The following COL19A1 variants were observed in gnomAD, a reference collection of about 807,000 sequenced individuals.
COL19A1 encodes the protein collagen type XIX alpha 1 chain, also known as collagen alpha-1(XIX) chain.
Under a neutral mutation model 190.2 loss-of-function variants are expected in COL19A1, and 159 were observed. The observed-to-expected ratio is 0.84, with a 90% CI of 0.73 to 0.95. COL19A1 has a LOEUF of 0.95. COL19A1 is among the 40% of genes least tolerant of loss of function. COL19A1 has a pLI of 0.00. For missense variants in COL19A1, 1,418 were observed against 1,431.9 expected, an observed-to-expected ratio of 0.99 and a Z score of 0.16; for synonymous variants, 509 against 458.9, an observed-to-expected ratio of 1.11 and a Z score of -1.39.
chr6:70,199,604 G>A lies in COL19A1; in HGVS notation c.3095-4G>A. The stretch of plus-strand genomic sequence containing the variant: ...ATATATTATTTTTTCTTCTATACAT[G>A]AAGAGAGGATGGCTGTATTCCTATC... On this transcript the variant is annotated splice_region_variant and splice_polypyrimidine_tract_variant and intron_variant, in intron 48 of 50. Coordinates refer to ENST00000620364, the MANE Select transcript of COL19A1 (RefSeq NM_001858.6). 1 of 1,556,326 alleles carries A rather than the reference G, an allele frequency of 6.4e-7. No individual in the cohort carries two copies. Among genetic ancestry groups the A allele is most frequent in the Admixed American group, 1.8e-5 (1 of 54,066 alleles).
chr6:70,047,040 T>G (rs1356040907), intron 14 of COL19A1, among the ~76,000 whole-genome samples: 1 of 152,120 alleles, frequency 6.6e-6, no homozygotes, highest in Admixed American at 6.5e-5. Flanking sequence ...CTACCACATC[T>G]GGAATGGCCA....
At chr6:69,985,428 G>T (rs1036515730) in intron 11 of COL19A1, among the ~76,000 whole-genome samples, 1 of 152,064 alleles carries the variant, frequency 6.6e-6, no homozygotes, top group African/African-American at 2.4e-5. Context: ...TAGCAAAGGG[G>T]GTGAAGGATG....
Position 70,034,155 on chromosome 6 carries a change from T to C in COL19A1, c.1081-90T>C, listed in dbSNP as rs1310971438. 31 of 880,770 alleles carry C rather than the reference T, an allele frequency of 3.5e-5. No homozygotes were observed. In the Admixed American group the frequency reaches 5.7e-4, roughly 16 times the overall value. The allele number at this position is 880,770 out of a possible 1,614,324, so 54.6% of individuals were successfully genotyped here. On this transcript the variant is annotated intron_variant, in intron 12 of 50. Coordinates refer to ENST00000620364, the MANE Select transcript of COL19A1 (RefSeq NM_001858.6). Reference sequence around the variant, plus strand: ...CAAAAGGAAGAATGAGATTTGGAGGTTCAGTAAATTATGATTTATTTTGTT... The same window carrying C: ...CAAAAGGAAGAATGAGATTTGGAGGCTCAGTAAATTATGATTTATTTTGTT...
At position 70,173,348 on chromosome 6, in the gene COL19A1, A is replaced by G. The variant is rs191460027; in HGVS notation, c.2622+1331A>G. On this transcript the variant is annotated intron_variant, in intron 41 of 50. Transcript: ENST00000620364. ...AAGATTACCAAGGGAATGCCAATAG[A>G]GTTTTTAGAAACAGAAGAGTCAAGG... Among the ~76,000 whole-genome samples the G allele has an allele frequency of 1.9e-3, 289 of 152,304 alleles. 2 individuals are homozygous for G. Among genetic ancestry groups the G allele is most frequent in the African/African-American group, 6.8e-3 (282 of 41,538 alleles).
chr6:70,048,483 C>T (rs58086655), intron 14 of COL19A1, among the ~76,000 whole-genome samples: 6,509 of 152,022 alleles, frequency 0.043, 454 homozygotes, highest in African/African-American at 0.15. Flanking sequence ...CAATCATTGT[C>T]GTTGCCTTCA....
chr6:69,962,089 A>G (rs902256539), intron 10 of COL19A1, among the ~76,000 whole-genome samples: 3 of 152,118 alleles, frequency 2.0e-5, no homozygotes, highest in Non-Finnish European at 4.4e-5. Context: ...CTTGCTAGCT[A>G]TGTTGTCATG....
chr6:70,076,793 CTTAAAG>C (rs1297352247), intron 15 of COL19A1, among the ~76,000 whole-genome samples: 4 of 152,168 alleles, frequency 2.6e-5, no homozygotes, highest in Non-Finnish European at 4.4e-5. Flanking sequence ...CACAGAAACA[CTTAAAG>C]AGAATGGAAA....
At position 70,144,634 on chromosome 6, in the gene COL19A1, G is replaced by A. The variant is rs144837248; in HGVS notation, c.1681-284G>A. ...ATAACTTAAAGAAAACATAAAGATC[G>A]TCTATAGAAATTTATTAATAGATAT... On this transcript the variant is annotated intron_variant, in intron 24 of 50. Transcript: ENST00000620364. 9.6e-3 allele frequency among the ~76,000 whole-genome samples: 1,456 copies of A among 152,242 alleles called. 12 individuals carry two copies. Among genetic ancestry groups the A allele is most frequent in the Non-Finnish European group, 0.015 (1,026 of 68,014 alleles).
chr6:70,102,750 G>C (rs1783714078), intron 16 of COL19A1, among the ~76,000 whole-genome samples: 1 of 151,934 alleles, frequency 6.6e-6, no homozygotes, highest in African/African-American at 2.4e-5. Flanking sequence ...TCAATTTCTT[G>C]TAGTTCTGGT....
chr6:70,064,484 A>G (rs925963133), intron 14 of COL19A1, among the ~76,000 whole-genome samples: 5 of 152,226 alleles, frequency 3.3e-5, no homozygotes, highest in African/African-American at 1.2e-4. Context: ...GCTATTTATG[A>G]CAAACCCACA....
chr6:69,955,531 G>GTA (rs1342147693), intron 9 of COL19A1, among the ~76,000 whole-genome samples: 2 of 144,896 alleles, frequency 1.4e-5, no homozygotes, highest in Non-Finnish European at 3.1e-5. Flanking sequence ...AAGTGTGTGT[G>GTA]TGTGTGTGTG....
chr6:70,134,967 C>T (rs1304591741), intron 18 of COL19A1, among the ~76,000 whole-genome samples: 4 of 138,774 alleles, frequency 2.9e-5, no homozygotes, highest in Admixed American at 7.0e-5. Flanking sequence ...TCGAAAGCCC[C>T]GTGTTGTTTT....
intron 12 of COL19A1, among the ~76,000 whole-genome samples, chr6:70,027,351 T>G (rs1273773041): frequency 1.3e-5 from 2 of 152,190 alleles, no homozygotes; most frequent in Non-Finnish European, 2.9e-5. Flanking sequence ...AACTTTAATT[T>G]AAAGGGTAGT....
intron 9 of COL19A1, among the ~76,000 whole-genome samples, chr6:69,955,903 C>T (rs1165003183): frequency 6.6e-6 from 1 of 151,928 alleles, no homozygotes; most frequent in Admixed American, 6.6e-5. Context: ...TATTCAGTAA[C>T]CACACAGTGA....
At chr6:69,976,359 T>C (rs1165016519) in intron 11 of COL19A1, among the ~76,000 whole-genome samples, 1 of 152,218 alleles carries the variant, frequency 6.6e-6, no homozygotes, top group Non-Finnish European at 1.5e-5. Flanking sequence ...CTTTGAAACA[T>C]ATGCTGGGTT....
intron 14 of COL19A1, among the ~76,000 whole-genome samples, chr6:70,044,346 C>A (rs1278160857): frequency 1.3e-5 from 2 of 152,112 alleles, no homozygotes; most frequent in Non-Finnish European, 2.9e-5. Flanking sequence ...CATTTAATTT[C>A]CTTCAAGAAG....
At chr6:70,197,316 G>A (rs1363416587) in intron 48 of COL19A1, among the ~76,000 whole-genome samples, 3 of 151,884 alleles carry the variant, frequency 2.0e-5, no homozygotes, top group African/African-American at 4.8e-5. Flanking sequence ...CCAGCTACTC[G>A]GGAGGCTGAG....
chr6:70,057,008 C>T (rs981384972), intron 14 of COL19A1, among the ~76,000 whole-genome samples: 1 of 152,008 alleles, frequency 6.6e-6, no homozygotes, highest in Non-Finnish European at 1.5e-5. Flanking sequence ...GTTGCATAAC[C>T]CAAATGCAAA....
intron 11 of COL19A1, among the ~76,000 whole-genome samples, chr6:69,977,928 G>A (rs983583193): frequency 1.3e-5 from 2 of 151,904 alleles, no homozygotes; most frequent in African/African-American, 4.8e-5. Flanking sequence ...CTAATAAATG[G>A]CCATGGTCAT....
Sources: gnomAD v4.1 joint callset for allele counts (sites outside exome capture counted in the v4.1 genomes callset) on GRCh38, gnomAD v4.1.1 for gene constraint, MANE v1.5 for transcripts, NCBI Gene and HGNC (gene_info 2026-07-23, HGNC 2026-07-21) for gene names.